Variants in PCDHGA5 observed in about 807,000 individuals in gnomAD.
The protein encoded by PCDHGA5 is protocadherin gamma subfamily A, 5.
In PCDHGA5, 36 loss-of-function variants were observed where a neutral mutation model predicts 56.7. The ratio of observed to expected loss-of-function variants is 0.64; its 90% CI spans 0.49 to 0.84. PCDHGA5 has a LOEUF of 0.84. Among genes scored for constraint, PCDHGA5 ranks in the 40% least tolerant of loss-of-function variants. The pLI is 0.00. For synonymous variants in PCDHGA5, 563 were observed against 520.2 expected (o/e 1.08, Z -1.12); for missense variants, 1,305 against 1,201.5 (o/e 1.09, Z -1.27).
At chr5:141,479,862 C>T (rs2099508997) in intron 1 of PCDHGA5, among the ~76,000 whole-genome samples, 1 of 152,170 alleles carries the variant, frequency 6.6e-6, no homozygotes, top group Non-Finnish European at 1.5e-5. Flanking sequence ...GGCCTTTGCC[C>T]TGGAGAGAAC....
At chr5:141,374,852 G>C in intron 1 of PCDHGA5, 1 of 1,613,798 alleles carries the variant, frequency 6.2e-7, no homozygotes, top group Middle Eastern at 1.6e-4. Context: ...AAACCTGCCA[G>C]TAGGCACACC....
At chr5:141,449,349 G>A (rs191322076) in intron 1 of PCDHGA5, among the ~76,000 whole-genome samples, 2 of 151,956 alleles carry the variant, frequency 1.3e-5, no homozygotes, top group African/African-American at 4.8e-5. Flanking sequence ...GCTCACTCCT[G>A]TAATCCCAGC....
chr5:141,371,047 G>A, intron 1 of PCDHGA5: 1 of 1,613,990 alleles, frequency 6.2e-7, no homozygotes. Flanking sequence ...GTGGATGGGG[G>A]CGAGCCCTCC....
intron 1 of PCDHGA5, chr5:141,423,252 C>T (rs2096724826): frequency 1.2e-6 from 2 of 1,613,802 alleles, no homozygotes; most frequent in South Asian, 2.2e-5. Context: ...TCCTGGCGGA[C>T]CTCGGCAGCC....
chr5:141,400,076 T>C, intron 1 of PCDHGA5: 2 of 1,613,932 alleles, frequency 1.2e-6, no homozygotes, highest in Non-Finnish European at 1.7e-6. Context: ...CAGCCGCCAC[T>C]CTCCGCCACC....
At chr5:141,367,549 T>TAAAA (rs1765228447) in intron 1 of PCDHGA5, 1 of 147,156 alleles carries the variant, frequency 6.8e-6, no homozygotes, top group South Asian at 2.1e-4. Flanking sequence ...AATAAATAAA[T>TAAAA]AAATAAATAA....
intron 1 of PCDHGA5, chr5:141,394,839 G>A (rs1190397731): frequency 6.2e-7 from 1 of 1,613,834 alleles, no homozygotes; most frequent in Non-Finnish European, 8.5e-7. Context: ...GACCGAGTTG[G>A]GCAGTCTGAA....
chr5:141,437,094 G>A (rs1183502010), intron 1 of PCDHGA5, among the ~76,000 whole-genome samples: 3 of 152,126 alleles, frequency 2.0e-5, no homozygotes, highest in African/African-American at 4.8e-5. Context: ...TGAAACTAAC[G>A]GCTTAGCTTT....
At chr5:141,423,219 T>C (rs775170753) in intron 1 of PCDHGA5, 3 of 1,613,752 alleles carry the variant, frequency 1.9e-6, no homozygotes, top group Admixed American at 1.7e-5. Flanking sequence ...TCACCGTGGC[T>C]GTGGCCGACA....
chr5:141,431,333 C>T lies in PCDHGA5; in HGVS notation c.2422-63474C>T. 1 of 1,614,058 alleles carries T rather than the reference C, an allele frequency of 6.2e-7. No individual in the cohort carries two copies. Among genetic ancestry groups the T allele is most frequent in the Non-Finnish European group, 8.5e-7 (1 of 1,180,030 alleles). On this transcript the variant is annotated intron_variant, in intron 1 of 3. Coordinates refer to ENST00000518069, the MANE Select transcript of PCDHGA5 (RefSeq NM_018918.3). The surrounding 1 kb of genome is among the most constrained non-coding windows in gnomAD (Gnocchi z 4.8). ...AAATGGAGCCGACGGTAGTAAGTAC[C>T]CCGAATTGGTGCTGAAACGCGCCCT...
intron 2 of PCDHGA5, among the ~76,000 whole-genome samples, chr5:141,497,126 C>T (rs565697662): frequency 8.2e-4 from 125 of 151,844 alleles, no homozygotes; most frequent in African/African-American, 3.0e-3. Flanking sequence ...GCAGAGGTTG[C>T]AGTGAGCTGA....
In PCDHGA5 at chr5:141,480,033, C is replaced by G. The variant is rs370321166; in HGVS notation, c.2422-14774C>G. On this transcript the variant is annotated intron_variant, in intron 1 of 3. Coordinates refer to ENST00000518069, the MANE Select transcript of PCDHGA5 (RefSeq NM_018918.3). ...CTCAATCTCCTTTCTAAGCCTCTTC[C>G]TCATATGCAAAAAGGGAATAATAAG... is the stretch of plus-strand genomic sequence containing the variant. Among the ~76,000 whole-genome samples, 3 of 152,224 alleles carry G rather than the reference C, an allele frequency of 2.0e-5. No individual in the cohort carries two copies. The East Asian group carries it at 5.8e-4, about 29-fold the overall frequency.
At chr5:141,398,606 C>T in intron 1 of PCDHGA5, 1 of 1,614,000 alleles carries the variant, frequency 6.2e-7, no homozygotes, top group Non-Finnish European at 8.5e-7. Context: ...GCAGAAGATG[C>T]AGATATTGGC....
chr5:141,433,623 G>A (rs2097635547), intron 1 of PCDHGA5, among the ~76,000 whole-genome samples: 1 of 152,070 alleles, frequency 6.6e-6, no homozygotes, highest in African/African-American at 2.4e-5. Flanking sequence ...ATCACCTGAG[G>A]TTGGGAGTTT....
rs371079504 is a variant in PCDHGA5, at chr5:141,422,041, G to C, written c.2421+55290G>C. 9 of 1,611,514 alleles carry C rather than the reference G, an allele frequency of 5.6e-6. No homozygotes were observed. The highest frequency in any genetic ancestry group is 5.9e-6 in the Non-Finnish European group (7 of 1,179,230). On this transcript the variant is annotated intron_variant, in intron 1 of 3. Transcript: ENST00000518069. ...GATGGTTAATGCAACGGATCCAGAC[G>C]AGGGAATCAACGGGGAAGTAATGTA...
chr5:141,370,388 G>C (rs10052885), intron 1 of PCDHGA5: 2 of 1,542,252 alleles, frequency 1.3e-6, no homozygotes, highest in South Asian at 1.3e-5. Context: ...AAGGCGCAGA[G>C]AGCGGGATGG....
intron 1 of PCDHGA5, chr5:141,478,608 G>C (rs751033009): frequency 7.7e-6 from 12 of 1,558,942 alleles, no homozygotes; most frequent in Middle Eastern, 1.7e-4. Context: ...ATCATATTGA[G>C]GAAGGAATGG....
intron 1 of PCDHGA5, chr5:141,478,544 C>G (rs1371505487): frequency 6.2e-7 from 1 of 1,605,660 alleles, no homozygotes; most frequent in Admixed American, 1.7e-5. Flanking sequence ...CCCTCCCGGA[C>G]AGGTAAGGTT....
At chr5:141,370,490 G>T (rs780342479) in intron 1 of PCDHGA5, 6 of 1,613,894 alleles carry the variant, frequency 3.7e-6, no homozygotes, top group Non-Finnish European at 5.1e-6. Context: ...TCTCCGAACC[G>T]ATCCGCTACG....
Sources: allele counts gnomAD v4.1 joint callset (sites outside exome capture counted in the v4.1 genomes callset), GRCh38; gene constraint gnomAD v4.1.1; non-coding constraint Gnocchi (gnomAD v3.1); transcripts MANE v1.5; gene names NCBI Gene and HGNC (gene_info 2026-07-23, HGNC 2026-07-21).